The following PIGL variants were observed in gnomAD, a reference collection of about 807,000 sequenced individuals.
The protein encoded by PIGL is phosphatidylinositol glycan anchor biosynthesis class L, also known as N-acetylglucosaminyl-phosphatidylinositol de-N-acetylase.
Under a neutral mutation model 31.1 loss-of-function variants are expected in PIGL, and 22 were observed. The observed-to-expected ratio is 0.71, with a 90% CI of 0.51 to 1.01. PIGL has a LOEUF of 1.01. Among genes scored for constraint, PIGL ranks in the 50% least tolerant of loss-of-function variants. The probability of loss-of-function intolerance (pLI) is 0.00; values close to 1 mark genes in which losing one functional copy is unlikely to be tolerated. For synonymous variants in PIGL, 131 were observed against 117.4 expected, an observed-to-expected ratio of 1.12 and a Z score of -0.75; for missense variants, 302 against 315.9, an observed-to-expected ratio of 0.96 and a Z score of 0.33.
At chr17:16,281,594 A>C (rs1396726881) in intron 2 of PIGL, among the ~76,000 whole-genome samples, 1 of 152,264 alleles carries the variant, frequency 6.6e-6, no homozygotes, top group African/African-American at 2.4e-5. Flanking sequence ...ATAATTTTGA[A>C]GTGATTTGGA....
At chr17:16,321,815 G>A (rs2093107312) in intron 6 of PIGL, among the ~76,000 whole-genome samples, 1 of 148,070 alleles carries the variant, frequency 6.8e-6, no homozygotes, top group African/African-American at 2.5e-5. Flanking sequence ...ACGGAGTTTC[G>A]CTCTTATTGC....
chr17:16,223,336 T>C (rs2092637717), intron 1 of PIGL, among the ~76,000 whole-genome samples: 1 of 152,124 alleles, frequency 6.6e-6, no homozygotes, highest in Non-Finnish European at 1.5e-5. Flanking sequence ...CCCAGAACTT[T>C]GGGAGGCCAA....
At chr17:16,249,439 C>T (rs1054622756) in intron 2 of PIGL, among the ~76,000 whole-genome samples, 1 of 152,130 alleles carries the variant, frequency 6.6e-6, no homozygotes, top group Admixed American at 6.6e-5. Flanking sequence ...AAGATCATGC[C>T]GTCACACTCC....
chr17:16,228,675 A>C (rs927881145), intron 1 of PIGL, among the ~76,000 whole-genome samples: 1 of 152,254 alleles, frequency 6.6e-6, no homozygotes, highest in South Asian at 2.1e-4. Flanking sequence ...GGCGTAAGCC[A>C]CCACGCCCGG....
At chr17:16,273,733 G>A (rs925250179) in intron 2 of PIGL, among the ~76,000 whole-genome samples, 1 of 152,178 alleles carries the variant, frequency 6.6e-6, no homozygotes, top group Admixed American at 6.5e-5. Flanking sequence ...TCCCAGATGT[G>A]TGCATTTAGT....
chr17:16,299,755 C>G (rs2092996424), intron 2 of PIGL, 133 bp from the exon 3 acceptor site: 1 of 686,000 alleles, frequency 1.5e-6, no homozygotes, highest in Non-Finnish European at 2.7e-6. Flanking sequence ...TAACTGAAAT[C>G]TGCTGAAGCT....
chr17:16,286,786 C>T (rs559130088), intron 2 of PIGL, among the ~76,000 whole-genome samples: 100 of 152,234 alleles, frequency 6.6e-4, no homozygotes, highest in Middle Eastern at 3.4e-3. Flanking sequence ...GAGCCAGACG[C>T]GCAATGCCAT....
At chr17:16,279,211 G>C (rs538453874) in intron 2 of PIGL, among the ~76,000 whole-genome samples, 24 of 152,308 alleles carry the variant, frequency 1.6e-4, no homozygotes, top group Admixed American at 8.5e-4. Context: ...CTTGGATCTT[G>C]CCCAAGAAAG....
chr17:16,316,985 T>C (rs1286621984), intron 5 of PIGL: 1 of 1,237,578 alleles, frequency 8.1e-7, no homozygotes, highest in Non-Finnish European at 1.0e-6. Context: ...GTTTTACACC[T>C]CTGGTATTCT....
At chr17:16,259,379 T>G (rs2142745927) in intron 2 of PIGL, among the ~76,000 whole-genome samples, 1 of 152,214 alleles carries the variant, frequency 6.6e-6, no homozygotes, top group South Asian at 2.1e-4. Context: ...AATACTCTTT[T>G]CAACAAATGG....
At chr17:16,217,631 C>A (rs1354314293) in intron 1 of PIGL, 170 bp downstream of exon 1, 7 of 542,316 alleles carry the variant, frequency 1.3e-5, no homozygotes, top group East Asian at 6.1e-5. Flanking sequence ...GCCGGCTTAC[C>A]TGGTGGGTTG....
chr17:16,300,029 C>A, intron 3 of PIGL, 51 bp downstream of exon 3: 1 of 1,403,062 alleles, frequency 7.1e-7, no homozygotes, highest in Non-Finnish European at 1.0e-6. Flanking sequence ...GTCCCATTCA[C>A]ACCAGGTGGT....
intron 3 of PIGL, among the ~76,000 whole-genome samples, chr17:16,305,630 T>C (rs751690721): frequency 2.0e-5 from 3 of 152,134 alleles, no homozygotes; most frequent in Non-Finnish European, 4.4e-5. Context: ...TCAAAAGTGA[T>C]GGAGCTGAAT....
At chr17:16,261,802 C>T (rs749242819) in intron 2 of PIGL, among the ~76,000 whole-genome samples, 6 of 152,002 alleles carry the variant, frequency 3.9e-5, no homozygotes, top group Non-Finnish European at 7.4e-5. Flanking sequence ...TGAGGTTTCA[C>T]CATGTTGCCC....
At chr17:16,220,904 A>G (rs946262236) in intron 1 of PIGL, among the ~76,000 whole-genome samples, 2 of 152,152 alleles carry the variant, frequency 1.3e-5, no homozygotes, top group African/African-American at 4.8e-5. Context: ...AAGTGCTGGG[A>G]TTACATGCAT....
At position 16,233,773 on chromosome 17, in the gene PIGL, G is replaced by A. The variant is rs547946299; in HGVS notation, c.236-198G>A. Among the ~76,000 whole-genome samples, 3 of 152,212 alleles carry A rather than the reference G, an allele frequency of 2.0e-5. No individual in the cohort carries two copies. In the South Asian group the frequency reaches 6.2e-4, roughly 32 times the overall value. Reference sequence around the variant, plus strand: ...AAGATGGGAAAGAATTGTGAATGGTGATTCTAAAGATTGTGCTACTGGTAG... The same window carrying A: ...AAGATGGGAAAGAATTGTGAATGGTAATTCTAAAGATTGTGCTACTGGTAG... On this transcript the variant is annotated intron_variant, in intron 1 of 6. Coordinates refer to ENST00000225609, the MANE Select transcript of PIGL (RefSeq NM_004278.4).
chr17:16,285,286 A>G (rs1172048320), intron 2 of PIGL, among the ~76,000 whole-genome samples: 2 of 152,204 alleles, frequency 1.3e-5, no homozygotes, highest in South Asian at 2.1e-4. Flanking sequence ...TTTATATCCT[A>G]TGAGAAAGGA....
intron 1 of PIGL, 78 bp downstream of exon 1, chr17:16,217,539 T>C (rs2092594289): frequency 8.6e-7 from 1 of 1,158,108 alleles, no homozygotes; most frequent in Admixed American, 2.0e-5. Flanking sequence ...AGTCGCCTTC[T>C]TCTCGAAGTT....
intron 1 of PIGL, among the ~76,000 whole-genome samples, chr17:16,223,711 C>A (rs576157624): frequency 6.0e-5 from 9 of 150,580 alleles, no homozygotes; most frequent in African/African-American, 2.2e-4. Context: ...GAGACCCCAT[C>A]TATTTAAAAA....
Sources: gnomAD v4.1 joint callset for allele counts (sites outside exome capture counted in the v4.1 genomes callset) on GRCh38, gnomAD v4.1.1 for gene constraint, MANE v1.5 for transcripts, NCBI Gene and HGNC (gene_info 2026-07-23, HGNC 2026-07-21) for gene names.